B3GALNT2: variants seen among roughly 807,000 people sequenced by gnomAD.
B3GALNT2 encodes the protein UDP-GalNAc:beta-1,3-N-acetylgalactosaminyltransferase 2.
B3GALNT2 carries 53 observed loss-of-function variants against 61.1 expected under a neutral mutation model. The observed-to-expected ratio is 0.87, with a 90% CI of 0.70 to 1.09. The LOEUF (loss-of-function observed/expected upper bound fraction) is 1.09, where lower values mean the gene tolerates loss of function less well. B3GALNT2 is among the 50% of genes least tolerant of loss of function. The pLI is 0.00. For missense variants in B3GALNT2, 544 were observed against 623.0 expected, an observed-to-expected ratio of 0.87 and a Z score of 1.35; for synonymous variants, 223 against 237.4, an observed-to-expected ratio of 0.94 and a Z score of 0.56.
rs555883725 is a variant in B3GALNT2 at position 235,470,832 on chromosome 1, T to TA, written c.762+17dup. ...GAAGCTAAAATATGCAATTAAACCT[T>TA]AAAAAAAAACGACTTACTGTAATGA... On this transcript the variant is annotated intron_variant, in intron 6 of 11. Transcript: ENST00000366600. The TA allele has an allele frequency of 1.2e-3, 1,820 of 1,530,394 alleles. 4 individuals carry two copies. The highest frequency in any genetic ancestry group is 6.9e-3 in the South Asian group (582 of 84,510). The allele number at this position is 1,530,394 out of a possible 1,614,324, so 94.8% of individuals were successfully genotyped here.
chr1:235,485,535 A>G (rs1013334441), intron 3 of B3GALNT2, among the ~76,000 whole-genome samples: 2 of 152,208 alleles, frequency 1.3e-5, no homozygotes, highest in Non-Finnish European at 2.9e-5. Flanking sequence ...TTGAACTGCA[A>G]TCCTCCCGCC....
chr1:235,496,502 G>C (rs1323179654), intron 1 of B3GALNT2, among the ~76,000 whole-genome samples: 1 of 151,236 alleles, frequency 6.6e-6, no homozygotes, highest in Non-Finnish European at 1.5e-5. Flanking sequence ...ACTACATATA[G>C]AGTATCATTT....
At chr1:235,474,990 T>TTTG (rs1684200506) in intron 5 of B3GALNT2, among the ~76,000 whole-genome samples, 8 of 54,484 alleles carry the variant, frequency 1.5e-4, no homozygotes, top group African/African-American at 7.9e-4. Flanking sequence ...TATATATATT[T>TTTG]TTTTTTTTTT....
At chr1:235,482,954 G>A (rs571901001) in intron 4 of B3GALNT2, among the ~76,000 whole-genome samples, 1 of 152,292 alleles carries the variant, frequency 6.6e-6, no homozygotes, top group African/African-American at 2.4e-5. Context: ...AGATGACTCA[G>A]AATAAGCGTA....
chr1:235,443,114 CTT>C, downstream of B3GALNT2: 1 of 593,456 alleles, frequency 1.7e-6, no homozygotes, highest in South Asian at 2.0e-5. Context: ...TCTCCCCTAA[CTT>C]TATCAGCTGA....
chr1:235,494,339 T>C (rs1685212695), intron 2 of B3GALNT2, among the ~76,000 whole-genome samples: 1 of 152,218 alleles, frequency 6.6e-6, no homozygotes, highest in Non-Finnish European at 1.5e-5. Flanking sequence ...AAATGTTGGT[T>C]AAATTTACTT....
In B3GALNT2 at chr1:235,494,497, T is replaced by C. The variant is rs74151514; in HGVS notation, c.260+184A>G. On this transcript the variant is annotated intron_variant, in intron 2 of 11. Transcript: ENST00000366600. ...ATTAGGCAGGGACTCATTCCCATCA[T>C]GCAGGCTAGAATGCAGTGGTGCAAT... Among the ~76,000 whole-genome samples, 3,281 of 151,714 alleles carry C rather than the reference T, an allele frequency of 0.022. 131 individuals carry two copies. The highest frequency in any genetic ancestry group is 0.075 in the African/African-American group (3,080 of 41,312).
At chr1:235,477,114 C>T (rs575180332) in intron 5 of B3GALNT2, among the ~76,000 whole-genome samples, 1 of 152,176 alleles carries the variant, frequency 6.6e-6, no homozygotes, top group Admixed American at 6.5e-5. Flanking sequence ...TGAGTACTTC[C>T]CATCATTAGT....
At chr1:235,456,972 C>T (rs2102786851) in intron 8 of B3GALNT2, among the ~76,000 whole-genome samples, 1 of 152,286 alleles carries the variant, frequency 6.6e-6, no homozygotes, top group African/African-American at 2.4e-5. Context: ...CCCTCATTTA[C>T]CTCTGCTCTC....
At chr1:235,456,020 C>T (rs774098479) in intron 8 of B3GALNT2, among the ~76,000 whole-genome samples, 15 of 152,198 alleles carry the variant, frequency 9.9e-5, no homozygotes, top group African/African-American at 2.9e-4. Flanking sequence ...ATCTATTAAA[C>T]GCCTGAACCT....
rs543963283 is a variant in B3GALNT2 at position 235,469,551 on chromosome 1, A to AT, written c.762+1298dup. ...ATGAAAGTACTCAATCTTATTTTCT[A>AT]TTTTTTTTTGTTTTGTTTTGAGATG... On this transcript the variant is annotated intron_variant, in intron 6 of 11. Transcript: ENST00000366600. Among the ~76,000 whole-genome samples the AT allele has an allele frequency of 1.1e-4, 16 of 150,864 alleles. No homozygotes were observed. In the South Asian group the frequency reaches 1.3e-3, roughly 12 times the overall value.
intron 11 of B3GALNT2, among the ~76,000 whole-genome samples, 156 bp downstream of exon 11, chr1:235,452,934 A>G (rs1403076324): frequency 2.0e-5 from 3 of 152,206 alleles, no homozygotes; most frequent in Non-Finnish European, 4.4e-5. Flanking sequence ...GGAATGTGCA[A>G]CTTCTAAGTA....
chr1:235,482,179 A>C (rs918921725), intron 4 of B3GALNT2, among the ~76,000 whole-genome samples: 2 of 152,214 alleles, frequency 1.3e-5, no homozygotes, highest in Non-Finnish European at 2.9e-5. Context: ...GAATTCAAAC[A>C]AACAGGCAGA....
intron 4 of B3GALNT2, among the ~76,000 whole-genome samples, chr1:235,480,586 TA>T (rs1684512058): frequency 6.6e-6 from 1 of 151,648 alleles, no homozygotes; most frequent in South Asian, 2.1e-4. Context: ...GAAGAAAATA[TA>T]AACAAAACAA....
downstream of B3GALNT2, among the ~76,000 whole-genome samples, chr1:235,446,739 G>C (rs144360535): frequency 1.4e-3 from 205 of 151,096 alleles, 1 homozygote; most frequent in Middle Eastern, 0.027. Flanking sequence ...TGTTACCCAG[G>C]CTGGATGGAG....
chr1:235,488,177 T>A (rs1172745615), intron 3 of B3GALNT2, among the ~76,000 whole-genome samples: 1 of 152,216 alleles, frequency 6.6e-6, no homozygotes, highest in African/African-American at 2.4e-5. Flanking sequence ...TAAGAGAAAG[T>A]TGATTCATAA....
At chr1:235,495,695 T>G (rs1685288173) in intron 1 of B3GALNT2, among the ~76,000 whole-genome samples, 1 of 152,224 alleles carries the variant, frequency 6.6e-6, no homozygotes, top group African/African-American at 2.4e-5. Flanking sequence ...TCACCAGTTT[T>G]AAGGCTTGAG....
At chr1:235,442,891 T>A (rs768158218), downstream of B3GALNT2, 10 of 1,613,972 alleles carry the variant, frequency 6.2e-6, no homozygotes, top group South Asian at 5.5e-5. Flanking sequence ...GATCAGAAAG[T>A]CCTGGAGAAA....
chr1:235,462,109 G>A (rs1301617407), intron 7 of B3GALNT2, among the ~76,000 whole-genome samples: 1 of 152,154 alleles, frequency 6.6e-6, no homozygotes, highest in Non-Finnish European at 1.5e-5. Context: ...AACTTAACAT[G>A]GGTTCAACAG....
Sources: allele counts gnomAD v4.1 joint callset (sites outside exome capture counted in the v4.1 genomes callset), GRCh38; gene constraint gnomAD v4.1.1; transcripts MANE v1.5; gene names NCBI Gene and HGNC (gene_info 2026-07-23, HGNC 2026-07-21).